CTNNA3: variants seen among roughly 807,000 people sequenced by gnomAD.
CTNNA3 encodes catenin alpha-3.
In CTNNA3, 76 loss-of-function variants were observed where a neutral mutation model predicts 95.7. The observed-to-expected ratio is 0.79, with a 90% confidence interval of 0.66 to 0.96. The LOEUF is 0.96. Among genes scored for constraint, CTNNA3 ranks in the 40% least tolerant of loss-of-function variants. The pLI is 0.00. For missense variants in CTNNA3, 1,191 were observed against 1,089.8 expected (o/e 1.09, Z -1.31); for synonymous variants, 431 against 374.4 (o/e 1.15, Z -1.74).
At chr10:66,255,478 C>T (rs930287603) in intron 13 of CTNNA3, among the ~76,000 whole-genome samples, 6 of 152,246 alleles carry the variant, frequency 3.9e-5, no homozygotes, top group East Asian at 3.9e-4. Context: ...TTATCTGATA[C>T]GTAAAATTAC....
chr10:66,494,052 C>T (rs1487453147), intron 11 of CTNNA3, among the ~76,000 whole-genome samples: 1 of 143,712 alleles, frequency 7.0e-6, no homozygotes, highest in Non-Finnish European at 1.5e-5. Context: ...GGACTACAGG[C>T]ATGTGCCACC....
At chr10:66,991,699 G>C (rs1466796057) in intron 7 of CTNNA3, among the ~76,000 whole-genome samples, 1 of 152,114 alleles carries the variant, frequency 6.6e-6, no homozygotes, top group African/African-American at 2.4e-5. Context: ...TTAGAGGCAT[G>C]CACCAGAAAA....
Position 67,486,296 on chromosome 10 carries a change from C to T in CTNNA3, c.579+35546G>A, listed in dbSNP as rs1026305013. On this transcript the variant is annotated intron_variant, in intron 5 of 17. Transcript: ENST00000433211. Reference sequence around the variant, plus strand: ...CACCTCATATCTGATAAACAGACCACTTATCTGGATTCTGATCTTCACCAT... The same window carrying T: ...CACCTCATATCTGATAAACAGACCATTTATCTGGATTCTGATCTTCACCAT... 2.0e-5 allele frequency among the ~76,000 whole-genome samples: 3 copies of T among 152,318 alleles called. 1 individual carries two copies. The highest frequency in any genetic ancestry group is 6.8e-3 in the Middle Eastern group (2 of 294).
chr10:66,174,607 GA>G (rs1176977512), intron 13 of CTNNA3, among the ~76,000 whole-genome samples: 1 of 151,904 alleles, frequency 6.6e-6, no homozygotes, highest in Admixed American at 6.6e-5. Flanking sequence ...ACCAAACAGG[GA>G]TCGAAAATAG....
At chr10:66,432,417 G>T (rs1203755474) in intron 11 of CTNNA3, among the ~76,000 whole-genome samples, 1 of 152,104 alleles carries the variant, frequency 6.6e-6, no homozygotes, top group East Asian at 1.9e-4. Flanking sequence ...CCAACACTTT[G>T]GGAAGCCAAG....
At chr10:66,924,381 C>T (rs926695289) in intron 7 of CTNNA3, among the ~76,000 whole-genome samples, 8 of 152,078 alleles carry the variant, frequency 5.3e-5, no homozygotes, top group African/African-American at 1.9e-4. Context: ...TAACAAAAAA[C>T]AACAAGGCAA....
chr10:67,342,060 G>GTA (rs1491306761), intron 5 of CTNNA3, among the ~76,000 whole-genome samples: 4 of 135,076 alleles, frequency 3.0e-5, no homozygotes, highest in Non-Finnish European at 6.5e-5. Flanking sequence ...TAGTTTCCCA[G>GTA]TATATATTTT....
intron 7 of CTNNA3, among the ~76,000 whole-genome samples, chr10:66,964,135 C>A (rs1849273433): frequency 6.6e-6 from 1 of 152,070 alleles, no homozygotes; most frequent in South Asian, 2.1e-4. Flanking sequence ...CAGGTGTGAG[C>A]CACCGCACCC....
chr10:67,394,264 G>A (rs116993264), intron 5 of CTNNA3, among the ~76,000 whole-genome samples: 2 of 150,452 alleles, frequency 1.3e-5, no homozygotes, highest in South Asian at 2.1e-4. Flanking sequence ...AAGGTACACC[G>A]TATCAATAAT....
intron 3 of CTNNA3, among the ~76,000 whole-genome samples, chr10:67,561,877 T>G (rs1450099431): frequency 6.6e-6 from 1 of 152,108 alleles, no homozygotes; most frequent in African/African-American, 2.4e-5. Flanking sequence ...ACAAATAAAC[T>G]AGAAAATCTC....
rs189993526 is a variant in CTNNA3, at chr10:66,934,059, C to T, written c.1048-158535G>A. Among the ~76,000 whole-genome samples, 15 of 151,936 alleles carry T rather than the reference C, an allele frequency of 9.9e-5. No homozygotes were observed. In the East Asian group the frequency reaches 2.7e-3, roughly 27 times the overall value. ...GATCCTGAACACGTGAGGAAAATTC[C>T]AGGAACACAGAGAGAACAGGAATAT... On this transcript the variant is annotated intron_variant, in intron 7 of 17. Transcript: ENST00000433211.
At chr10:67,340,846 T>C (rs1842157393) in intron 5 of CTNNA3, among the ~76,000 whole-genome samples, 3 of 152,226 alleles carry the variant, frequency 2.0e-5, no homozygotes, top group African/African-American at 4.8e-5. Context: ...CTAGTGGATA[T>C]TGTCATGTTT....
At chr10:66,194,314 T>C (rs576220703) in intron 13 of CTNNA3, among the ~76,000 whole-genome samples, 1 of 152,300 alleles carries the variant, frequency 6.6e-6, no homozygotes, top group African/African-American at 2.4e-5. Flanking sequence ...GTGTGGTGGC[T>C]TACAGGTGTA....
intron 11 of CTNNA3, among the ~76,000 whole-genome samples, chr10:66,489,338 G>A (rs1050157927): frequency 1.3e-5 from 2 of 152,138 alleles, no homozygotes; most frequent in African/African-American, 4.8e-5. Context: ...ATAAAAGGAC[G>A]TTAGGAATTG....
intron 7 of CTNNA3, among the ~76,000 whole-genome samples, chr10:67,034,768 A>G (rs533338449): frequency 6.6e-5 from 10 of 152,210 alleles, no homozygotes; most frequent in Non-Finnish European, 1.2e-4. Context: ...TTCATGTAAT[A>G]TTAAATACTG....
In CTNNA3 at chr10:66,647,561, A is replaced by G. The variant is rs567937360; in HGVS notation, c.1282-25777T>C. Among the ~76,000 whole-genome samples the G allele has an allele frequency of 4.7e-5, 7 of 147,382 alleles. No individual in the cohort carries two copies. In the East Asian group the frequency reaches 1.2e-3, roughly 25 times the overall value. ...AGTCTTGCTCTGTCGCCTAGGCTGG[A>G]GTGCAGTGGTGTGACCTTGGCTCAC... On this transcript the variant is annotated intron_variant, in intron 9 of 17. Transcript: ENST00000433211.
At chr10:66,515,552 A>T (rs1483078277) in intron 11 of CTNNA3, among the ~76,000 whole-genome samples, 5 of 152,116 alleles carry the variant, frequency 3.3e-5, no homozygotes, top group African/African-American at 1.2e-4. Context: ...AGATCATTGT[A>T]TTAGTCCATT....
rs1331389076 is a variant in CTNNA3 at position 65,913,639 on chromosome 10, A to G, written c.*6691T>C. 2 of 152,198 alleles carry G rather than the reference A, an allele frequency of 1.3e-5. No homozygotes were observed. Among genetic ancestry groups the G allele is most frequent in the Non-Finnish European group, 2.9e-5 (2 of 68,032 alleles). The allele number at this position is 152,198 out of a possible 1,614,324, so 9.4% of individuals were successfully genotyped here. The stretch of plus-strand genomic sequence containing the variant: ...TATAAGATTTGGCAAGCAATGGAAC[A>G]TGATTTTTATAGTAGTTTAAAATTA... On this transcript the variant is annotated 3_prime_UTR_variant, in exon 18 of 18. Transcript: ENST00000433211.
intron 5 of CTNNA3, among the ~76,000 whole-genome samples, chr10:67,270,835 A>G (rs1311908439): frequency 6.6e-6 from 1 of 152,204 alleles, no homozygotes; most frequent in Non-Finnish European, 1.5e-5. Context: ...CTACCTTGAT[A>G]ATAACAACAA....
Sources: allele counts gnomAD v4.1 joint callset (sites outside exome capture counted in the v4.1 genomes callset), GRCh38; gene constraint gnomAD v4.1.1; transcripts MANE v1.5; gene names NCBI Gene and HGNC (gene_info 2026-07-23, HGNC 2026-07-21).